CANX: variants seen among roughly 807,000 people sequenced by gnomAD.
CANX encodes the protein calnexin.
Under a neutral mutation model 75.7 loss-of-function variants are expected in CANX, and 14 were observed. The ratio of observed to expected loss-of-function variants is 0.19; its 90% confidence interval spans 0.12 to 0.29. The LOEUF is 0.29. Among genes scored for constraint, CANX ranks in the 10% least tolerant of loss-of-function variants. The probability of loss-of-function intolerance (pLI) is 1.00; values close to 1 mark genes in which losing one functional copy is unlikely to be tolerated. For missense variants in CANX, 567 were observed against 713.2 expected, an observed-to-expected ratio of 0.79 and a Z score of 2.34; for synonymous variants, 227 against 236.9, an observed-to-expected ratio of 0.96 and a Z score of 0.38.
At chr5:179,679,326 G>T in intron 1 of CANX, 1 of 1,362,594 alleles carries the variant, frequency 7.3e-7, no homozygotes, top group Non-Finnish European at 9.7e-7. Context: ...CAAACCGCGA[G>T]GCCGGCGGAC....
At chr5:179,683,160 G>A (rs1343219181) in intron 1 of CANX, among the ~76,000 whole-genome samples, 1 of 151,926 alleles carries the variant, frequency 6.6e-6, no homozygotes, top group Non-Finnish European at 1.5e-5. Flanking sequence ...ACGGAGTCTC[G>A]CTCTGTCGCA....
In CANX at chr5:179,706,307, C is replaced by G. The variant is rs762405151; in HGVS notation, c.221C>G (p.Ser74Cys). The G allele has an allele frequency of 3.1e-6, 5 of 1,597,176 alleles. No homozygotes were observed. The Admixed American group carries it at 5.0e-5, about 16-fold the overall frequency. ...ACAGGGGAAGTATATTTTGCTGATTCTTTTGACAGAGGAACTCTGTCAGGG... is the reference window on the plus strand; with the variant it reads ...ACAGGGGAAGTATATTTTGCTGATTGTTTTGACAGAGGAACTCTGTCAGGG... Reference protein sequence around the residue: ...VPTGEVYFADSFDRGTLSGWI... With the variant: ...VPTGEVYFADCFDRGTLSGWI... The change falls in exon 3 of 15, where the codon TCT becomes TGT. Residue 74 changes from serine (S) to cysteine (C), a missense_variant. Around this residue, in one of 3 missense-constraint regions of CANX, gnomAD observed 351 missense variants for 433.8 expected, o/e 0.81. Transcript: ENST00000247461.
intron 3 of CANX, 81 bp downstream of exon 3, chr5:179,706,412 CTT>C (rs1581851556): frequency 3.0e-6 from 2 of 667,368 alleles, no homozygotes; most frequent in African/African-American, 3.7e-5. Flanking sequence ...TGGATAGCAT[CTT>C]TTATAGTGAA....
At chr5:179,710,664 C>T (rs192678150) in intron 7 of CANX, among the ~76,000 whole-genome samples, 5,272 of 121,998 alleles carry the variant, frequency 0.043, 153 homozygotes, top group Non-Finnish European at 0.062. Context: ...GCCGAGATCG[C>T]GCCACTGCAC....
At chr5:179,684,955 T>TTTTA (rs1410102592) in intron 1 of CANX, among the ~76,000 whole-genome samples, 1 of 115,066 alleles carries the variant, frequency 8.7e-6, no homozygotes. Flanking sequence ...TTTTTTTTTT[T>TTTTA]TACTAGAGAC....
intron 14 of CANX, among the ~76,000 whole-genome samples, 166 bp from the exon 15 acceptor site, chr5:179,728,425 C>T (rs1188416470): frequency 6.6e-6 from 1 of 152,134 alleles, no homozygotes; most frequent in Non-Finnish European, 1.5e-5. Context: ...GGCATAATTC[C>T]ACCACCTCTG....
intron 1 of CANX, 58 bp downstream of exon 1, chr5:179,699,160 G>A: frequency 1.0e-6 from 1 of 961,860 alleles, no homozygotes; most frequent in Non-Finnish European, 1.2e-6. Context: ...GGGGCTGGGA[G>A]CGCCTCTGCG....
chr5:179,710,487 C>T (rs1230658936), intron 7 of CANX, among the ~76,000 whole-genome samples: 1 of 149,756 alleles, frequency 6.7e-6, no homozygotes, highest in Non-Finnish European at 1.5e-5. Flanking sequence ...GCGGGTGGAT[C>T]ACAAGGTCAG....
chr5:179,698,684 C>G, upstream of CANX: 2 of 1,002,880 alleles, frequency 2.0e-6, no homozygotes, highest in East Asian at 6.1e-5. Flanking sequence ...AAACCAGCCC[C>G]GCCCCGAGAC....
Position 179,722,791 on chromosome 5 carries a change from T to A in CANX, c.1183-13T>A, listed in dbSNP as rs766927692. The A allele has an allele frequency of 2.0e-6, 3 of 1,519,854 alleles. No individual in the cohort carries two copies. The South Asian group carries it at 3.5e-5, about 18-fold the overall frequency. 94.1% of individuals were successfully genotyped at this position (1,519,854 alleles called of 1,614,324 possible). ...TTATCTGAAATGATTTTCTGAAACA[T>A]TTTTTTTTCTAGGGAATCTGGAAAC... is the stretch of plus-strand genomic sequence containing the variant. On this transcript the variant is annotated splice_polypyrimidine_tract_variant and intron_variant, in intron 10 of 14. Transcript: ENST00000247461.
At chr5:179,707,784 T>G (rs1195784397) in intron 4 of CANX, among the ~76,000 whole-genome samples, 1 of 152,052 alleles carries the variant, frequency 6.6e-6, no homozygotes, top group African/African-American at 2.4e-5. Context: ...ACTACAGTTT[T>G]AAAAAGCCAT....
At chr5:179,711,875 A>C (rs1480287110) in intron 7 of CANX, among the ~76,000 whole-genome samples, 2 of 151,384 alleles carry the variant, frequency 1.3e-5, no homozygotes, top group Non-Finnish European at 2.9e-5. Flanking sequence ...AGGCGAGCAG[A>C]TCACTTGAGG....
intron 7 of CANX, among the ~76,000 whole-genome samples, chr5:179,711,586 T>G (rs1483692780): frequency 1.3e-5 from 2 of 151,042 alleles, no homozygotes; most frequent in Non-Finnish European, 3.0e-5. Flanking sequence ...GTCAGGAGTT[T>G]AAGACCAGCC....
intron 1 of CANX, among the ~76,000 whole-genome samples, chr5:179,702,412 TTTCC>T (rs1022290299): frequency 2.2e-5 from 3 of 136,298 alleles, no homozygotes; most frequent in Admixed American, 1.5e-4. Flanking sequence ...CCCTCCCTCC[TTTCC>T]TTCCTTCCTT....
At chr5:179,710,680 C>A (rs1777486016) in intron 7 of CANX, among the ~76,000 whole-genome samples, 1 of 88,242 alleles carries the variant, frequency 1.1e-5, no homozygotes, top group Admixed American at 1.4e-4. Flanking sequence ...TGCACTCCAG[C>A]CTAGGAGACA....
intron 6 of CANX, 131 bp downstream of exon 6, chr5:179,709,190 C>T (rs982322341): frequency 5.6e-5 from 34 of 609,190 alleles, no homozygotes; most frequent in Non-Finnish European, 8.3e-5. Context: ...CCAAGGCAGG[C>T]GGATCACGAG....
At chr5:179,727,924 A>G (rs1374039858) in intron 14 of CANX, among the ~76,000 whole-genome samples, 3 of 152,200 alleles carry the variant, frequency 2.0e-5, no homozygotes, top group Admixed American at 2.0e-4. Context: ...CTCTGTGTCT[A>G]AATCTGGTCT....
chr5:179,692,522 G>A (rs1353811332), intron 1 of CANX, among the ~76,000 whole-genome samples: 1 of 151,866 alleles, frequency 6.6e-6, no homozygotes, highest in Non-Finnish European at 1.5e-5. Flanking sequence ...AAGAGCCCCT[G>A]TCTAATTATT....
At chr5:179,698,961 C>G (rs986121202), upstream of CANX, 4 of 1,115,888 alleles carry the variant, frequency 3.6e-6, no homozygotes, top group Admixed American at 1.6e-4. Flanking sequence ...GGCTCGCTCG[C>G]GCGGCAGCGG....
Sources: allele counts gnomAD v4.1 joint callset (sites outside exome capture counted in the v4.1 genomes callset), GRCh38; gene constraint gnomAD v4.1.1; regional missense constraint gnomAD v4.1.1; transcripts MANE v1.5; gene names NCBI Gene and HGNC (gene_info 2026-07-23, HGNC 2026-07-21).